HCRTR2: variants seen among roughly 807,000 people sequenced by gnomAD.
HCRTR2 encodes orexin receptor type 2.
In HCRTR2, 22 loss-of-function variants were observed where a neutral mutation model predicts 49.0. The observed-to-expected ratio is 0.45, with a 90% CI of 0.32 to 0.64. The LOEUF (loss-of-function observed/expected upper bound fraction) is 0.64. Ranked by LOEUF, HCRTR2 falls within the 30% of genes least tolerant of loss-of-function variation. HCRTR2 has a pLI of 0.04. For missense variants in HCRTR2, 491 were observed against 559.4 expected (o/e 0.88, Z 1.23); for synonymous variants, 236 against 205.3 (o/e 1.15, Z -1.28).
At chr6:55,135,963 C>A (rs547595161) in intron 1 of HCRTR2, among the ~76,000 whole-genome samples, 1 of 152,184 alleles carries the variant, frequency 6.6e-6, no homozygotes, top group East Asian at 1.9e-4. Flanking sequence ...GGTCAATTTT[C>A]ATGGCTCTAA....
chr6:55,199,089 T>C (rs940609671), intron 1 of HCRTR2, among the ~76,000 whole-genome samples: 1 of 151,836 alleles, frequency 6.6e-6, no homozygotes, highest in African/African-American at 2.4e-5. Context: ...AGTGGGAGAG[T>C]TGGTTAAGGG....
chr6:55,187,178 G>A (rs1287368456), intron 1 of HCRTR2, among the ~76,000 whole-genome samples: 3 of 151,824 alleles, frequency 2.0e-5, no homozygotes, highest in African/African-American at 2.4e-5. Context: ...ATGCTGAGGC[G>A]GGTGGATCAT....
intron 3 of HCRTR2, 77 bp from the exon 4 acceptor site, chr6:55,263,630 A>G: frequency 1.3e-6 from 1 of 769,654 alleles, no homozygotes; most frequent in Non-Finnish European, 2.3e-6. Context: ...CACTTTGAAG[A>G]AAAGCATTGA....
chr6:55,240,800 G>A, intron 1 of HCRTR2: 1 of 420,814 alleles, frequency 2.4e-6, no homozygotes, highest in South Asian at 1.7e-5. Flanking sequence ...CCTGTTTCAA[G>A]GTAGGTTTTT....
chr6:55,213,774 C>T (rs1157644394), intron 1 of HCRTR2, among the ~76,000 whole-genome samples: 1 of 152,106 alleles, frequency 6.6e-6, no homozygotes, highest in Non-Finnish European at 1.5e-5. Flanking sequence ...TGCCTAAATA[C>T]AAGTGCTAAT....
intron 4 of HCRTR2, among the ~76,000 whole-genome samples, chr6:55,266,074 G>A (rs749042675): frequency 6.6e-6 from 1 of 152,070 alleles, no homozygotes; most frequent in Non-Finnish European, 1.5e-5. Flanking sequence ...GGTTGGACAA[G>A]CTTGCTTAGA....
At chr6:55,265,524 T>A (rs1040437010) in intron 4 of HCRTR2, among the ~76,000 whole-genome samples, 10 of 152,084 alleles carry the variant, frequency 6.6e-5, no homozygotes, top group African/African-American at 2.4e-4. Context: ...AAGAAAAGTA[T>A]ATTTTCTTTT....
intron 1 of HCRTR2, among the ~76,000 whole-genome samples, chr6:55,122,853 A>C (rs2127238968): frequency 6.6e-6 from 1 of 151,860 alleles, no homozygotes; most frequent in Admixed American, 6.6e-5. Flanking sequence ...CATTCTCAGC[A>C]AACTATCGCA....
At position 55,187,888 on chromosome 6, in the gene HCRTR2, A is replaced by T. The variant is rs191202744; in HGVS notation, c.223+13078A>T. Among the ~76,000 whole-genome samples, 8 of 151,972 alleles carry T rather than the reference A, an allele frequency of 5.3e-5. No individual in the cohort carries two copies. The East Asian group carries it at 1.2e-3, about 22-fold the overall frequency. The stretch of plus-strand genomic sequence containing the variant: ...GCCTCCCGGGTTCACACCATTCTCC[A>T]GCCTCAGCCTCCCGAGTAGCTGGGA... On this transcript the variant is annotated intron_variant, in intron 1 of 6. Transcript: ENST00000370862.
chr6:55,262,086 T>C (rs909985138), intron 3 of HCRTR2, among the ~76,000 whole-genome samples: 1 of 151,530 alleles, frequency 6.6e-6, no homozygotes, highest in Non-Finnish European at 1.5e-5. Flanking sequence ...GGCATAAGAA[T>C]GATAAAATGG....
At chr6:55,241,811 T>C (rs369102902) in intron 1 of HCRTR2, among the ~76,000 whole-genome samples, 10 of 151,748 alleles carry the variant, frequency 6.6e-5, no homozygotes, top group African/African-American at 2.4e-4. Flanking sequence ...ACATCATTAT[T>C]AGTTCAAAGT....
intron 6 of HCRTR2, among the ~76,000 whole-genome samples, chr6:55,280,836 A>G (rs1004550162): frequency 1.3e-5 from 2 of 152,140 alleles, no homozygotes; most frequent in African/African-American, 2.4e-5. Context: ...GGATCTATTC[A>G]CTTTTAGATA....
At chr6:55,178,129 G>A (rs1479462506) in intron 1 of HCRTR2, among the ~76,000 whole-genome samples, 1 of 152,108 alleles carries the variant, frequency 6.6e-6, no homozygotes, top group Non-Finnish European at 1.5e-5. Context: ...CTGGGGAAAT[G>A]TAAAGAAATG....
intron 1 of HCRTR2, among the ~76,000 whole-genome samples, chr6:55,163,762 C>T (rs1764839238): frequency 6.6e-6 from 1 of 152,102 alleles, no homozygotes; most frequent in African/African-American, 2.4e-5. Context: ...GCAAGAAAAT[C>T]CCAAATTGAC....
intron 1 of HCRTR2, among the ~76,000 whole-genome samples, chr6:55,211,503 C>T (rs965693665): frequency 6.6e-6 from 1 of 152,096 alleles, no homozygotes; most frequent in Non-Finnish European, 1.5e-5. Flanking sequence ...TTACAATCCA[C>T]ATTCTATTCA....
At chr6:55,165,520 T>C (rs567442257) in intron 1 of HCRTR2, among the ~76,000 whole-genome samples, 12 of 151,866 alleles carry the variant, frequency 7.9e-5, no homozygotes, top group Non-Finnish European at 1.6e-4. Context: ...ATGAAACTCT[T>C]AGAAAGAAAC....
chr6:55,172,869 T>C (rs573776116), upstream of HCRTR2, among the ~76,000 whole-genome samples: 59 of 152,312 alleles, frequency 3.9e-4, no homozygotes, highest in African/African-American at 1.4e-3. Flanking sequence ...AAACCACCAA[T>C]GTCTTGTGTG....
chr6:55,207,798 CA>C (rs1338932890), intron 1 of HCRTR2, among the ~76,000 whole-genome samples: 1 of 152,136 alleles, frequency 6.6e-6, no homozygotes, highest in African/African-American at 2.4e-5. Flanking sequence ...TAGCACAACT[CA>C]CTTTTTTTCT....
At chr6:55,173,079 T>TA (rs1764974545), upstream of HCRTR2, among the ~76,000 whole-genome samples, 1 of 152,114 alleles carries the variant, frequency 6.6e-6, no homozygotes, top group African/African-American at 2.4e-5. Flanking sequence ...AGAAAAATAC[T>TA]AAAAAAGAAA....
Sources: gnomAD v4.1 joint callset for allele counts (sites outside exome capture counted in the v4.1 genomes callset) on GRCh38, gnomAD v4.1.1 for gene constraint, MANE v1.5 for transcripts, NCBI Gene and HGNC (gene_info 2026-07-23, HGNC 2026-07-21) for gene names.